Variants in SGCZ observed in about 807,000 individuals in gnomAD.
The protein encoded by SGCZ is zeta-sarcoglycan.
In SGCZ, 40 loss-of-function variants were observed where a neutral mutation model predicts 41.3. That is an observed-to-expected ratio of 0.97 (90% CI 0.75 to 1.26). The LOEUF is 1.26. Ranked by LOEUF, SGCZ falls within the 50% of genes most tolerant of loss-of-function variation. SGCZ has a pLI of 0.00. For synonymous variants in SGCZ, 206 were observed against 137.5 expected (o/e 1.50, Z -3.49); for missense variants, 552 against 369.8 (o/e 1.49, Z -4.04).
At chr8:14,842,598 T>C (rs1007050839) in intron 1 of SGCZ, among the ~76,000 whole-genome samples, 9 of 152,064 alleles carry the variant, frequency 5.9e-5, no homozygotes, top group African/African-American at 2.2e-4. Flanking sequence ...TGAGATGATG[T>C]AGAGTGCCAG....
chr8:15,031,910 T>TCTCTCC (rs1275528611), intron 1 of SGCZ, among the ~76,000 whole-genome samples: 38 of 148,788 alleles, frequency 2.6e-4, no homozygotes, highest in Admixed American at 4.1e-4. Context: ...TTCCTCTCTC[T>TCTCTCC]CTCTCTCTCT....
chr8:15,156,551 G>T (rs1422217907), intron 1 of SGCZ, among the ~76,000 whole-genome samples: 1 of 152,134 alleles, frequency 6.6e-6, no homozygotes, highest in Non-Finnish European at 1.5e-5. Context: ...CACCTTCCCA[G>T]CTTGAAATGA....
chr8:15,105,512 C>T (rs1030756577), intron 1 of SGCZ, among the ~76,000 whole-genome samples: 1 of 151,848 alleles, frequency 6.6e-6, no homozygotes, highest in Non-Finnish European at 1.5e-5. Context: ...AGAGAGAGAG[C>T]TAAGGCCGAA....
At chr8:14,134,551 T>C (rs1226059771) in intron 5 of SGCZ, among the ~76,000 whole-genome samples, 3 of 152,198 alleles carry the variant, frequency 2.0e-5, no homozygotes, top group Non-Finnish European at 2.9e-5. Context: ...TCTTAAATAT[T>C]TGAGTTACTG....
chr8:14,608,766 G>T (rs933506701), intron 1 of SGCZ, among the ~76,000 whole-genome samples: 1 of 151,974 alleles, frequency 6.6e-6, no homozygotes, highest in Admixed American at 6.6e-5. Flanking sequence ...GTCCAACACT[G>T]GAGATCACAT....
chr8:14,534,129 G>C (rs1803221820), intron 2 of SGCZ, among the ~76,000 whole-genome samples: 1 of 152,002 alleles, frequency 6.6e-6, no homozygotes, highest in African/African-American at 2.4e-5. Context: ...TAGCCACTTG[G>C]AGTTGGAAAC....
intron 1 of SGCZ, among the ~76,000 whole-genome samples, chr8:14,776,522 T>TC (rs1480226031): frequency 4.1e-5 from 6 of 145,672 alleles, no homozygotes; most frequent in African/African-American, 1.3e-4. Flanking sequence ...CTTTTTCTTT[T>TC]TTTTTTTTTT....
At chr8:14,466,549 A>C (rs541562356) in intron 2 of SGCZ, among the ~76,000 whole-genome samples, 31 of 151,766 alleles carry the variant, frequency 2.0e-4, no homozygotes, top group Admixed American at 3.9e-4. Context: ...ATTTCTGTCC[A>C]CTGTATCCCT....
chr8:14,784,190 A>G (rs1368189117), intron 1 of SGCZ, among the ~76,000 whole-genome samples: 1 of 150,560 alleles, frequency 6.6e-6, no homozygotes, highest in African/African-American at 2.4e-5. Context: ...AGCAGGGAAC[A>G]CAGGCACATG....
chr8:15,209,919 AT>A (rs1382243140), intron 1 of SGCZ, among the ~76,000 whole-genome samples: 2 of 152,124 alleles, frequency 1.3e-5, no homozygotes, highest in Non-Finnish European at 2.9e-5. Context: ...ATAGGATGTA[AT>A]TTTGACCAAT....
intron 2 of SGCZ, among the ~76,000 whole-genome samples, chr8:14,365,855 T>C (rs1803687514): frequency 1.3e-5 from 2 of 152,160 alleles, no homozygotes; most frequent in African/African-American, 2.4e-5. Flanking sequence ...TGTATGATTA[T>C]ATTGATTTCC....
intron 4 of SGCZ, among the ~76,000 whole-genome samples, chr8:14,223,642 A>T (rs890015278): frequency 2.0e-5 from 3 of 152,174 alleles, no homozygotes; most frequent in South Asian, 4.1e-4. Flanking sequence ...CAGATGCTAT[A>T]GGTAATTTAA....
chr8:15,220,696 A>G (rs1428540865), intron 1 of SGCZ, among the ~76,000 whole-genome samples: 1 of 152,156 alleles, frequency 6.6e-6, no homozygotes, highest in African/African-American at 2.4e-5. Flanking sequence ...TCATTCTACT[A>G]TAAAGACACA....
At chr8:15,034,065 G>A (rs1433029877) in intron 1 of SGCZ, among the ~76,000 whole-genome samples, 1 of 149,964 alleles carries the variant, frequency 6.7e-6, no homozygotes, top group Non-Finnish European at 1.5e-5. Context: ...AAAACAAAAA[G>A]ACACAATAGC....
intron 2 of SGCZ, among the ~76,000 whole-genome samples, chr8:14,325,985 G>T (rs1048859930): frequency 2.0e-5 from 3 of 148,912 alleles, no homozygotes; most frequent in South Asian, 2.1e-4. Context: ...GGTGGCGGGC[G>T]CCTGTAGTCC....
intron 5 of SGCZ, among the ~76,000 whole-genome samples, chr8:14,139,966 A>T (rs188007541): frequency 3.0e-4 from 46 of 152,192 alleles, no homozygotes; most frequent in Non-Finnish European, 5.3e-4. Flanking sequence ...ATCCAGCAGC[A>T]CCTCCAAAAG....
intron 3 of SGCZ, among the ~76,000 whole-genome samples, chr8:14,269,084 C>T (rs1489769525): frequency 6.6e-6 from 1 of 151,898 alleles, no homozygotes; most frequent in East Asian, 1.9e-4. Flanking sequence ...ATAAGTGTTT[C>T]ACTCTTGTAT....
chr8:14,497,706 G>A (rs1410845423), intron 2 of SGCZ, among the ~76,000 whole-genome samples: 1 of 152,022 alleles, frequency 6.6e-6, no homozygotes, highest in South Asian at 2.1e-4. Context: ...GGACATTCCT[G>A]TGCTAAACCG....
At chr8:15,208,953 A>T (rs2117154090) in intron 1 of SGCZ, among the ~76,000 whole-genome samples, 1 of 152,068 alleles carries the variant, frequency 6.6e-6, no homozygotes, top group East Asian at 1.9e-4. Flanking sequence ...AAAAGGATTT[A>T]ACATTTTTTC....
Sources: gnomAD v4.1 joint callset for allele counts (sites outside exome capture counted in the v4.1 genomes callset) on GRCh38, gnomAD v4.1.1 for gene constraint, MANE v1.5 for transcripts, NCBI Gene and HGNC (gene_info 2026-07-23, HGNC 2026-07-21) for gene names.